The following PTPRN2 variants were observed in gnomAD, a reference collection of about 807,000 sequenced individuals.
The protein encoded by PTPRN2 is protein tyrosine phosphatase receptor type N2.
In PTPRN2, 74 loss-of-function variants were observed where a neutral mutation model predicts 118.8. The ratio of observed to expected loss-of-function variants is 0.62; its 90% CI spans 0.52 to 0.76. The LOEUF is 0.76. Among genes scored for constraint, PTPRN2 ranks in the 30% least tolerant of loss-of-function variants. The probability of loss-of-function intolerance (pLI) is 0.00; values close to 1 mark genes in which losing one functional copy is unlikely to be tolerated. For synonymous variants in PTPRN2, 641 were observed against 608.0 expected, an observed-to-expected ratio of 1.05 and a Z score of -0.80; for missense variants, 1,481 against 1,394.4, an observed-to-expected ratio of 1.06 and a Z score of -0.99.
At chr7:157,887,527 TTCCCCCAGTACCC>T (rs1796535715) in intron 12 of PTPRN2, among the ~76,000 whole-genome samples, 1 of 12,606 alleles carries the variant, frequency 7.9e-5, no homozygotes. Flanking sequence ...CAGTACCCGC[TTCCCCCAGTACCC>T]GCTCCCCCAG....
In PTPRN2 at chr7:157,990,860, C is replaced by G. The variant is rs958890166; in HGVS notation, c.1723+90438G>C. Among the ~76,000 whole-genome samples, 1 of 152,076 alleles carries G rather than the reference C, an allele frequency of 6.6e-6. No homozygotes were observed. The highest frequency in any genetic ancestry group is 2.1e-4 in the South Asian group (1 of 4,828). Reference sequence around the variant, plus strand: ...TGACCAGCCCAGTCCCAGCGCTTACCGAGGAGGACTGGGGAGGGGGGCCGA... The same window carrying G: ...TGACCAGCCCAGTCCCAGCGCTTACGGAGGAGGACTGGGGAGGGGGGCCGA... On this transcript the variant is annotated intron_variant, in intron 11 of 22. Transcript: ENST00000389418. This position sits in a 1 kb window ranked among gnomAD's most constrained non-coding sequence, Gnocchi z 4.3.
intron 13 of PTPRN2, among the ~76,000 whole-genome samples, chr7:157,664,288 G>A (rs1796030469): frequency 6.6e-6 from 1 of 152,362 alleles, no homozygotes; most frequent in African/African-American, 2.4e-5. Context: ...GAAGGTTACA[G>A]CATCAGCTGC....
intron 1 of PTPRN2, among the ~76,000 whole-genome samples, chr7:158,549,260 C>T (rs1263287813): frequency 6.6e-6 from 1 of 152,222 alleles, no homozygotes; most frequent in Non-Finnish European, 1.5e-5. Context: ...GTGAATCAGA[C>T]GGTGGTGGCT....
rs558933651 is a variant in PTPRN2, at chr7:158,499,589, C to T, written c.113-9804G>A. Among the ~76,000 whole-genome samples, 66 of 152,212 alleles carry T rather than the reference C, an allele frequency of 4.3e-4. 1 individual carries two copies. In the South Asian group the frequency reaches 5.4e-3, roughly 12 times the overall value. ...AGGAGTTCAAGACCAGCTTGGCCAACATGGTGTTTAGTCTCTACTAAAAAA... is the reference window on the plus strand; with the variant it reads ...AGGAGTTCAAGACCAGCTTGGCCAATATGGTGTTTAGTCTCTACTAAAAAA... On this transcript the variant is annotated intron_variant, in intron 1 of 22. Coordinates refer to ENST00000389418, the MANE Select transcript of PTPRN2 (RefSeq NM_002847.5).
At chr7:157,643,739 C>T (rs974129167) in intron 14 of PTPRN2, among the ~76,000 whole-genome samples, 7 of 152,228 alleles carry the variant, frequency 4.6e-5, no homozygotes, top group Non-Finnish European at 1.0e-4. Context: ...TGGGAGCAGG[C>T]GGCCAGGCTC....
At chr7:157,691,075 C>T (rs186603082) in intron 12 of PTPRN2, among the ~76,000 whole-genome samples, 1 of 117,858 alleles carries the variant, frequency 8.5e-6, no homozygotes, top group African/African-American at 3.0e-5. Context: ...TGTCCCCCCC[C>T]CCCCCCACAT....
Position 158,400,821 on chromosome 7 carries a change from G to A in PTPRN2, c.164-83889C>T, listed in dbSNP as rs370987316. ...AGCCCTGCTCCATGCCTGCCATGCA[G>A]CTGAGACGGATCCTCAGGACACGTC... On this transcript the variant is annotated intron_variant, in intron 2 of 22. Coordinates refer to ENST00000389418, the MANE Select transcript of PTPRN2 (RefSeq NM_002847.5). 2.4e-4 allele frequency among the ~76,000 whole-genome samples: 36 copies of A among 152,222 alleles called. No homozygotes were observed. The East Asian group carries it at 5.8e-3, about 25-fold the overall frequency.
At chr7:158,071,681 CCTGGTGGAGGTGCTT>C (rs1282756897) in intron 11 of PTPRN2, among the ~76,000 whole-genome samples, 94 of 82,124 alleles carry the variant, frequency 1.1e-3, no homozygotes, top group South Asian at 2.5e-3. Flanking sequence ...TGGAGGTGCT[CCTGGTGGAGGTGCTT>C]GTGGTGGAGG....
chr7:157,789,383 G>A (rs1804284423), intron 12 of PTPRN2, among the ~76,000 whole-genome samples: 1 of 152,200 alleles, frequency 6.6e-6, no homozygotes, highest in African/African-American at 2.4e-5. Flanking sequence ...GGACATCCAG[G>A]CCCCCTGGGC....
At chr7:158,299,728 C>T (rs1800749590) in intron 3 of PTPRN2, among the ~76,000 whole-genome samples, 1 of 152,190 alleles carries the variant, frequency 6.6e-6, no homozygotes, top group Non-Finnish European at 1.5e-5. Flanking sequence ...GAGCTGCTGG[C>T]TGCATTCATC....
chr7:157,736,765 C>G (rs910654856), intron 12 of PTPRN2, among the ~76,000 whole-genome samples: 3 of 152,178 alleles, frequency 2.0e-5, no homozygotes, highest in African/African-American at 7.2e-5. Flanking sequence ...GTCTCCTGCT[C>G]TTTCGTGGAC....
In PTPRN2 at chr7:157,734,168, A is replaced by G. The variant is rs112367724; in HGVS notation, c.1789-51231T>C. On this transcript the variant is annotated intron_variant, in intron 12 of 22. Transcript: ENST00000389418. ...GCGCCCAGCACAGTTACTCTTTTCC[A>G]CCCCATGCACCCAGCACAGTTACTC... 8.9e-3 allele frequency among the ~76,000 whole-genome samples: 295 copies of G among 33,304 alleles called. 35 individuals are homozygous for G. The highest frequency in any genetic ancestry group is 0.032 in the African/African-American group (192 of 5,950). The allele number at this position is 33,304 out of a possible 152,430, so 21.8% of individuals were successfully genotyped here. A position where few individuals can be genotyped will look rare whatever the true frequency, so the allele number is the denominator to read the frequency against.
intron 3 of PTPRN2, among the ~76,000 whole-genome samples, chr7:158,270,656 C>T (rs1360550886): frequency 6.6e-6 from 1 of 152,044 alleles, no homozygotes; most frequent in African/African-American, 2.4e-5. Flanking sequence ...GGGCCAACCC[C>T]TTTACCTGGC....
rs55735933 is a variant in PTPRN2, at chr7:158,341,864, C to T, written c.164-24932G>A. Among the ~76,000 whole-genome samples, 2 of 85,082 alleles carry T rather than the reference C, an allele frequency of 2.4e-5. 1 individual carries two copies. Among genetic ancestry groups the T allele is most frequent in the Non-Finnish European group, 4.4e-5 (2 of 45,434 alleles). The allele number at this position is 85,082 out of a possible 152,430, so 55.8% of individuals were successfully genotyped here. On this transcript the variant is annotated intron_variant, in intron 2 of 22. Transcript: ENST00000389418. The stretch of plus-strand genomic sequence containing the variant: ...CCCACACTCTCACCATAAGAGTGTG[C>T]CCCGCAGGCGTCACTCACACCCACA...
At chr7:157,891,402 TCCCCACACCCCCCGCC>T (rs1796791994) in intron 12 of PTPRN2, among the ~76,000 whole-genome samples, 1 of 148,380 alleles carries the variant, frequency 6.7e-6, no homozygotes, top group African/African-American at 2.5e-5. Context: ...GTGCTGAGCA[TCCCCACACCCCCCGCC>T]CCCCACCCCA....
chr7:158,262,155 G>A (rs1244578879), intron 3 of PTPRN2, among the ~76,000 whole-genome samples: 2 of 152,154 alleles, frequency 1.3e-5, no homozygotes, highest in African/African-American at 2.4e-5. Flanking sequence ...AAAGTCTGAG[G>A]CCTCCCCGGT....
At chr7:158,454,164 G>A (rs868219816) in intron 2 of PTPRN2, among the ~76,000 whole-genome samples, 3 of 149,712 alleles carry the variant, frequency 2.0e-5, no homozygotes, top group Admixed American at 1.3e-4. Flanking sequence ...TGGTTGCTAT[G>A]GAGGACAGAC....
chr7:158,466,480 G>T (rs981844392), intron 2 of PTPRN2, among the ~76,000 whole-genome samples: 1 of 151,916 alleles, frequency 6.6e-6, no homozygotes, highest in African/African-American at 2.4e-5. Context: ...TGTCCTCCAG[G>T]TTCATCCATG....
intron 11 of PTPRN2, among the ~76,000 whole-genome samples, chr7:157,982,601 G>C (rs538319848): frequency 2.2e-5 from 3 of 136,564 alleles, no homozygotes; most frequent in Admixed American, 2.2e-4. Context: ...GGAATGCAGA[G>C]TGCAGGGTCC....
Sources: gnomAD v4.1 joint callset for allele counts (sites outside exome capture counted in the v4.1 genomes callset) on GRCh38, gnomAD v4.1.1 for gene constraint, Gnocchi (gnomAD v3.1) non-coding constraint, MANE v1.5 for transcripts, NCBI Gene and HGNC (gene_info 2026-07-23, HGNC 2026-07-21) for gene names.